Variants in GRID2 observed in about 807,000 individuals in gnomAD.
The protein encoded by GRID2 is glutamate ionotropic receptor delta type subunit 2, also known as glutamate receptor ionotropic, delta-2.
Under a neutral mutation model 114.8 loss-of-function variants are expected in GRID2, and 33 were observed. The observed-to-expected ratio is 0.29, with a 90% CI of 0.22 to 0.38. The LOEUF (loss-of-function observed/expected upper bound fraction) is 0.38, where lower values mean the gene tolerates loss of function less well. GRID2 is among the 10% of genes least tolerant of loss of function. The pLI is 1.00. For missense variants in GRID2, 1,184 were observed against 1,257.7 expected (o/e 0.94, Z 0.89); for synonymous variants, 505 against 449.9 (o/e 1.12, Z -1.55).
At chr4:93,653,019 A>G (rs1722724312) in intron 14 of GRID2, among the ~76,000 whole-genome samples, 1 of 152,092 alleles carries the variant, frequency 6.6e-6, no homozygotes, top group Non-Finnish European at 1.5e-5. Flanking sequence ...GTGAGATTGA[A>G]CATAAAAAGC....
chr4:92,969,511 T>C (rs1323933205), intron 2 of GRID2, among the ~76,000 whole-genome samples: 2 of 151,788 alleles, frequency 1.3e-5, no homozygotes, highest in African/African-American at 4.8e-5. Flanking sequence ...TAGATGGAAT[T>C]ACAACTGATA....
chr4:93,007,990 G>A (rs569079015), intron 2 of GRID2, among the ~76,000 whole-genome samples: 144 of 147,622 alleles, frequency 9.8e-4, no homozygotes, highest in Admixed American at 2.3e-3. Context: ...AGCCAAGATC[G>A]TGCCATTACA....
chr4:93,136,752 T>C (rs1735291231), intron 4 of GRID2, among the ~76,000 whole-genome samples: 1 of 152,162 alleles, frequency 6.6e-6, no homozygotes, highest in Non-Finnish European at 1.5e-5. Context: ...GAATCAACTA[T>C]AGTACTAAGT....
chr4:92,676,147 T>C (rs987507289), intron 2 of GRID2, among the ~76,000 whole-genome samples: 4 of 134,658 alleles, frequency 3.0e-5, no homozygotes, highest in South Asian at 2.4e-4. Flanking sequence ...TGATGCATTG[T>C]CGTGTCAAGC....
At chr4:93,419,912 C>T (rs1768095125) in intron 9 of GRID2, among the ~76,000 whole-genome samples, 1 of 152,212 alleles carries the variant, frequency 6.6e-6, no homozygotes, top group East Asian at 1.9e-4. Context: ...GCAACATATA[C>T]ATTGGGACAG....
At chr4:92,828,159 C>T (rs113953151) in intron 2 of GRID2, among the ~76,000 whole-genome samples, 49 of 152,012 alleles carry the variant, frequency 3.2e-4, no homozygotes, top group African/African-American at 1.0e-3. Context: ...AAACCAAAGC[C>T]GATTACATTT....
At chr4:92,908,954 A>T (rs1199017041) in intron 2 of GRID2, among the ~76,000 whole-genome samples, 1 of 152,184 alleles carries the variant, frequency 6.6e-6, no homozygotes, top group Non-Finnish European at 1.5e-5. Context: ...CATGAAAGTG[A>T]TATGAGAAAT....
rs1250040884 is a variant in GRID2, at chr4:93,656,864, A to G, written c.2360+30429A>G. Among the ~76,000 whole-genome samples, 4 of 148,068 alleles carry G rather than the reference A, an allele frequency of 2.7e-5. No homozygotes were observed. In the Admixed American group the frequency reaches 2.7e-4, roughly 10 times the overall value. Reference sequence around the variant, plus strand: ...AAAAAAAAAAAAAAAAAAACAAATAATTCCAGCTGTCATTTCAATTGAATT... The same window carrying G: ...AAAAAAAAAAAAAAAAAAACAAATAGTTCCAGCTGTCATTTCAATTGAATT... On this transcript the variant is annotated intron_variant, in intron 14 of 15. Transcript: ENST00000282020.
chr4:93,266,800 C>A (rs762955488), intron 8 of GRID2, among the ~76,000 whole-genome samples: 7 of 152,090 alleles, frequency 4.6e-5, no homozygotes, highest in Non-Finnish European at 1.0e-4. Flanking sequence ...CCCAGAAGTA[C>A]GTGTAGTGTT....
At chr4:93,348,875 A>G (rs1291614700) in intron 8 of GRID2, among the ~76,000 whole-genome samples, 2 of 152,196 alleles carry the variant, frequency 1.3e-5, no homozygotes, top group African/African-American at 2.4e-5. Flanking sequence ...ATATTGTTTT[A>G]AAAATCAGAT....
chr4:92,798,194 C>A (rs532249530), intron 2 of GRID2, among the ~76,000 whole-genome samples: 1 of 152,034 alleles, frequency 6.6e-6, no homozygotes, highest in African/African-American at 2.4e-5. Flanking sequence ...TGATTTCAGA[C>A]ACGTTAACAT....
At chr4:92,412,204 C>T (rs1731373490) in intron 1 of GRID2, among the ~76,000 whole-genome samples, 1 of 152,026 alleles carries the variant, frequency 6.6e-6, no homozygotes, top group African/African-American at 2.4e-5. Flanking sequence ...ACTCTGATTT[C>T]TATCAAGAAG....
intron 13 of GRID2, among the ~76,000 whole-genome samples, chr4:93,557,446 T>C (rs1221656796): frequency 6.6e-6 from 1 of 152,100 alleles, no homozygotes; most frequent in Non-Finnish European, 1.5e-5. Context: ...CCCTGGTCTC[T>C]GATATTAAGA....
intron 13 of GRID2, among the ~76,000 whole-genome samples, chr4:93,597,938 T>C (rs1403490538): frequency 6.6e-6 from 1 of 152,244 alleles, no homozygotes; most frequent in Non-Finnish European, 1.5e-5. Context: ...AAATATAAAC[T>C]GTTGCATTGA....
chr4:92,557,211 C>CA (rs1017077846), intron 1 of GRID2, among the ~76,000 whole-genome samples: 2 of 151,750 alleles, frequency 1.3e-5, no homozygotes, highest in African/African-American at 4.8e-5. Flanking sequence ...TTTTTAAATG[C>CA]AAAAATTCAT....
intron 10 of GRID2, among the ~76,000 whole-genome samples, chr4:93,423,492 GCCCGCCC>G (rs1430141665): frequency 1.3e-5 from 2 of 150,936 alleles, no homozygotes; most frequent in Non-Finnish European, 3.0e-5. Flanking sequence ...GACTACAGGC[GCCCGCCC>G]CCACGCCCAG....
At chr4:93,420,739 T>C (rs57039502) in intron 9 of GRID2, among the ~76,000 whole-genome samples, 1 of 57,734 alleles carries the variant, frequency 1.7e-5, no homozygotes, top group African/African-American at 4.3e-5. Context: ...TACTTATTTA[T>C]TTATTTATTT....
At chr4:93,275,222 A>G (rs1323910862) in intron 8 of GRID2, among the ~76,000 whole-genome samples, 4 of 151,834 alleles carry the variant, frequency 2.6e-5, no homozygotes, top group African/African-American at 7.2e-5. Flanking sequence ...AAGATTTACC[A>G]CTGTTGTAGC....
chr4:93,793,834 G>GT (rs1415379573), intron 1 of GRID2, among the ~76,000 whole-genome samples: 4 of 152,094 alleles, frequency 2.6e-5, no homozygotes, highest in African/African-American at 4.8e-5. Flanking sequence ...TTCTTGGCAT[G>GT]TTTTTCTCAT....
Sources: allele counts gnomAD v4.1 joint callset (sites outside exome capture counted in the v4.1 genomes callset), GRCh38; gene constraint gnomAD v4.1.1; transcripts MANE v1.5; gene names NCBI Gene and HGNC (gene_info 2026-07-23, HGNC 2026-07-21).